Variants in SLC38A6 observed in about 807,000 individuals in gnomAD.
SLC38A6 encodes the protein solute carrier family 38 member 6.
A neutral mutation model predicts 65.0 loss-of-function variants in SLC38A6; 73 were observed. That is an observed-to-expected ratio of 1.12 (90% CI 0.93 to 1.37). SLC38A6 has a LOEUF of 1.37. SLC38A6 is among the 40% of genes most tolerant of loss of function. The pLI, the probability that SLC38A6 is intolerant of heterozygous loss-of-function variation, is 0.00. For synonymous variants in SLC38A6, 183 were observed against 178.8 expected (o/e 1.02, Z -0.19); for missense variants, 561 against 531.1 (o/e 1.06, Z -0.55).
intron 5 of SLC38A6, among the ~76,000 whole-genome samples, chr14:61,022,363 G>A (rs1005640678): frequency 6.6e-6 from 1 of 151,730 alleles, no homozygotes; most frequent in Non-Finnish European, 1.5e-5. Flanking sequence ...GTAGTTTCTT[G>A]ATTGATATAT....
At chr14:61,040,409 G>A (rs1424500972) in intron 8 of SLC38A6, among the ~76,000 whole-genome samples, 4 of 148,846 alleles carry the variant, frequency 2.7e-5, no homozygotes, top group East Asian at 3.9e-4. Context: ...GCGCCATCTC[G>A]GCTCACTGCA....
exon 17 of SLC38A6, chr14:61,083,564 C>A (rs879822786): frequency 6.5e-7 from 1 of 1,550,062 alleles, no homozygotes; most frequent in Admixed American, 2.0e-5. Context: ...GGAAGAGATA[C>A]CATGGAGATG....
chr14:61,037,519 G>T, intron 7 of SLC38A6, 106 bp from the exon 8 acceptor site: 1 of 743,930 alleles, frequency 1.3e-6, no homozygotes, highest in Non-Finnish European at 2.2e-6. Flanking sequence ...CTAAGCCCCA[G>T]ATACCAACCA....
chr14:61,049,650 CTTCTT>C (rs913643010), intron 12 of SLC38A6, among the ~76,000 whole-genome samples: 9 of 152,170 alleles, frequency 5.9e-5, no homozygotes, highest in African/African-American at 2.2e-4. Flanking sequence ...CATCTCATCT[CTTCTT>C]AAAGTTCCCT....
chr14:61,078,489 A>G (rs2043510085), intron 15 of SLC38A6, among the ~76,000 whole-genome samples: 1 of 152,180 alleles, frequency 6.6e-6, no homozygotes, highest in South Asian at 2.1e-4. Context: ...TGCTGGACCC[A>G]GGCTGAGCTT....
intron 16 of SLC38A6, among the ~76,000 whole-genome samples, chr14:61,083,254 C>T (rs2043727207): frequency 6.6e-6 from 1 of 152,220 alleles, no homozygotes. Context: ...CCTGCCAGGC[C>T]ACTGTGGGTA....
Position 61,080,886 on chromosome 14 carries a change from C to T in SLC38A6, c.1408+1959C>T, listed in dbSNP as rs916865078. ...CTGGTTCAAATTTAAGGCTCATTTACACATGATGTCACACACGCATTGTCA... is the reference window on the plus strand; with the variant it reads ...CTGGTTCAAATTTAAGGCTCATTTATACATGATGTCACACACGCATTGTCA... On this transcript the variant is annotated intron_variant, in intron 16 of 16. Transcript: ENST00000354886. Among the ~76,000 whole-genome samples, 72 of 152,336 alleles carry T rather than the reference C, an allele frequency of 4.7e-4. 1 individual carries two copies. The highest frequency in any genetic ancestry group is 1.7e-3 in the African/African-American group (69 of 41,576).
At chr14:61,016,621 C>T (rs2139550420) in intron 4 of SLC38A6, among the ~76,000 whole-genome samples, 1 of 152,256 alleles carries the variant, frequency 6.6e-6, no homozygotes, top group East Asian at 1.9e-4. Flanking sequence ...TAATTGTCTT[C>T]CACCAGTAAT....
intron 3 of SLC38A6, among the ~76,000 whole-genome samples, chr14:60,988,396 C>T (rs923274810): frequency 6.6e-6 from 1 of 152,174 alleles, no homozygotes; most frequent in Non-Finnish European, 1.5e-5. Context: ...AGCTTCTACT[C>T]ACCTTTTAGT....
At chr14:61,018,528 A>AT (rs1217725458) in intron 4 of SLC38A6, among the ~76,000 whole-genome samples, 1 of 152,200 alleles carries the variant, frequency 6.6e-6, no homozygotes, top group African/African-American at 2.4e-5. Context: ...GGCATGAAAG[A>AT]TTATCTGTTC....
At chr14:61,023,244 G>A (rs2040432073) in intron 5 of SLC38A6, among the ~76,000 whole-genome samples, 1 of 152,142 alleles carries the variant, frequency 6.6e-6, no homozygotes, top group Non-Finnish European at 1.5e-5. Flanking sequence ...ACTGGGGAGA[G>A]TTAGATCTCA....
chr14:61,036,136 A>G (rs1224722128), intron 6 of SLC38A6, among the ~76,000 whole-genome samples: 2 of 152,284 alleles, frequency 1.3e-5, no homozygotes, highest in Admixed American at 6.5e-5. Context: ...ATGGCTATCA[A>G]TATATTTTAG....
intron 3 of SLC38A6, among the ~76,000 whole-genome samples, chr14:61,007,346 C>A (rs200902884): frequency 2.3e-5 from 2 of 88,172 alleles, no homozygotes; most frequent in Non-Finnish European, 5.5e-5. Context: ...AATAAAAGAA[C>A]AGACCAGATG....
intron 15 of SLC38A6, among the ~76,000 whole-genome samples, chr14:61,063,304 A>C (rs1267782015): frequency 6.6e-6 from 1 of 152,196 alleles, no homozygotes; most frequent in African/African-American, 2.4e-5. Flanking sequence ...TCTGTTCATT[A>C]TGAGATAGAC....
chr14:61,004,070 A>G (rs1164798674), intron 3 of SLC38A6, among the ~76,000 whole-genome samples: 1 of 152,306 alleles, frequency 6.6e-6, no homozygotes, highest in Admixed American at 6.5e-5. Flanking sequence ...AACTGTCTTC[A>G]TTAAACTGTT....
At chr14:61,020,732 T>C (rs2040303166) in intron 5 of SLC38A6, among the ~76,000 whole-genome samples, 1 of 152,178 alleles carries the variant, frequency 6.6e-6, no homozygotes, top group Admixed American at 6.5e-5. Flanking sequence ...TTATAGTCAT[T>C]GATTTTAAGA....
At chr14:61,072,577 T>C (rs2043266716) in intron 15 of SLC38A6, among the ~76,000 whole-genome samples, 1 of 152,228 alleles carries the variant, frequency 6.6e-6, no homozygotes, top group South Asian at 2.1e-4. Flanking sequence ...TGTATGTCCA[T>C]GAATTCAACT....
chr14:60,987,505 C>T (rs1161459605), intron 3 of SLC38A6: 1 of 152,156 alleles, frequency 6.6e-6, no homozygotes, highest in Non-Finnish European at 1.5e-5. Context: ...CTCTAGCCTT[C>T]GTTTGTCATC....
At chr14:61,082,572 A>G (rs1271980331) in intron 16 of SLC38A6, among the ~76,000 whole-genome samples, 1 of 152,180 alleles carries the variant, frequency 6.6e-6, no homozygotes, top group Admixed American at 6.5e-5. Flanking sequence ...ATTACCCCGT[A>G]GTAGCATTGT....
Sources: allele counts gnomAD v4.1 joint callset (sites outside exome capture counted in the v4.1 genomes callset), GRCh38; gene constraint gnomAD v4.1.1; transcripts MANE v1.5; gene names NCBI Gene and HGNC (gene_info 2026-07-23, HGNC 2026-07-21).